GIPR: variants seen among roughly 807,000 people sequenced by gnomAD.
The protein encoded by GIPR is gastric inhibitory polypeptide receptor.
A neutral mutation model predicts 62.2 loss-of-function variants in GIPR; 74 were observed. The observed-to-expected ratio is 1.19, with a 90% CI of 0.99 to 1.44. The LOEUF is 1.44. Ranked by LOEUF, GIPR falls within the 40% of genes most tolerant of loss-of-function variation. GIPR has a pLI of 0.00. For missense variants in GIPR, 664 were observed against 611.8 expected, an observed-to-expected ratio of 1.09 and a Z score of -0.90; for synonymous variants, 256 against 262.2, an observed-to-expected ratio of 0.98 and a Z score of 0.23.
intron 7 of GIPR, among the ~76,000 whole-genome samples, chr19:45,676,365 ATTTTTTGTTTTGTTT>A (rs1376640390): frequency 1.4e-5 from 2 of 142,974 alleles, no homozygotes; most frequent in East Asian, 4.1e-4. Flanking sequence ...GATACCAATT[ATTTTTTGTTTTGTTT>A]TTGTTTGTTT....
intron 1 of GIPR, 55 bp from the exon 2 acceptor site, chr19:45,669,422 C>T: frequency 6.7e-7 from 1 of 1,499,730 alleles, no homozygotes; most frequent in South Asian, 1.2e-5. Context: ...GGCGGGGTGA[C>T]GCTGGGGTTG....
intron 7 of GIPR, among the ~76,000 whole-genome samples, chr19:45,675,619 C>A (rs538755486): frequency 6.9e-6 from 1 of 144,990 alleles, no homozygotes; most frequent in African/African-American, 2.5e-5. Context: ...CCGGCAGTGG[C>A]TCATGCCTGT....
intron 6 of GIPR, 113 bp downstream of exon 6, chr19:45,674,290 T>C: frequency 1.3e-6 from 1 of 778,984 alleles, no homozygotes. Context: ...GGTGGTTCTA[T>C]GGGGAGCAGT....
Position 45,681,714 on chromosome 19 carries a change from G to C in GIPR, c.1195-15G>C. The C allele has an allele frequency of 6.2e-7, 1 of 1,611,168 alleles. No individual in the cohort carries two copies. Among genetic ancestry groups the C allele is most frequent in the Non-Finnish European group, 8.5e-7 (1 of 1,178,178 alleles). On this transcript the variant is annotated splice_polypyrimidine_tract_variant and intron_variant, in intron 13 of 13. Coordinates refer to ENST00000590918, the MANE Select transcript of GIPR (RefSeq NM_000164.4). ...GCGGGGTACGGCGCCGCCTCTGAGC[G>C]CCATCGTCTCACAGGTGCAGTCGGA...
Position 45,682,563 on chromosome 19 carries a change from CTT to C in GIPR, c.*643_*644del, listed in dbSNP as rs757416626. 2.9e-4 allele frequency: 40 copies of C among 138,228 alleles called. No homozygotes were observed. Among genetic ancestry groups the C allele is most frequent in the South Asian group, 4.6e-4 (2 of 4,324 alleles). 8.6% of individuals were successfully genotyped at this position (138,228 alleles called of 1,614,324 possible). ...TACAGGCGTGAGCCACCGCACCCGG[CTT>C]TTTTTTTTTTTTTTAAACGGAGTCT... is the stretch of plus-strand genomic sequence containing the variant. On this transcript the variant is annotated 3_prime_UTR_variant, in exon 14 of 14. Coordinates refer to ENST00000590918, the MANE Select transcript of GIPR (RefSeq NM_000164.4).
intron 4 of GIPR, among the ~76,000 whole-genome samples, chr19:45,672,145 A>G (rs1423345057): frequency 6.6e-6 from 1 of 150,638 alleles, no homozygotes; most frequent in Non-Finnish European, 1.5e-5. Context: ...CCCAAATAGC[A>G]GGGACTACAG....
chr19:45,675,289 G>T (rs551444493), intron 7 of GIPR: 1 of 188,424 alleles, frequency 5.3e-6, no homozygotes, highest in Non-Finnish European at 1.1e-5. Context: ...TTAAGAAGCC[G>T]CACGCACCCA....
rs35790297 is a variant in GIPR, at chr19:45,673,863, C to CA, written c.385-198dup. Reference sequence around the variant, plus strand: ...TGGGCAACAAAGCAAGACCATGTCTCAAAAAAAAAAAAATCTCTGGTTGGC... The same window carrying CA: ...TGGGCAACAAAGCAAGACCATGTCTCAAAAAAAAAAAAAATCTCTGGTTGGC... On this transcript the variant is annotated intron_variant, in intron 5 of 13. Coordinates refer to ENST00000590918, the MANE Select transcript of GIPR (RefSeq NM_000164.4). Among the ~76,000 whole-genome samples the CA allele has an allele frequency of 2.9e-3, 415 of 144,656 alleles. 1 individual carries two copies. Among genetic ancestry groups the CA allele is most frequent in the African/African-American group, 7.8e-3 (308 of 39,500 alleles). 94.9% of individuals were successfully genotyped at this position (144,656 alleles called of 152,430 possible). A position where few individuals can be genotyped will look rare whatever the true frequency, so the allele number is the denominator to read the frequency against.
rs1205454158 is a variant in GIPR at position 45,681,804 on chromosome 19, C to T, written c.1270C>T (p.Pro424Ser). 6.4e-7 allele frequency: 1 copy of T among 1,573,188 alleles called. No homozygotes were observed. The highest frequency in any genetic ancestry group is 8.6e-7 in the Non-Finnish European group (1 of 1,159,084). The change falls in exon 14 of 14, where the codon CCG (proline) becomes TCG (serine). Residue 424 changes from proline to serine, a missense_variant. Pro to Ser is a moderately conservative substitution (Grantham distance 74). Coordinates refer to ENST00000590918, the MANE Select transcript of GIPR (RefSeq NM_000164.4). The stretch of plus-strand genomic sequence containing the variant: ...CCTGGGCGAGGAGCAACGCCAGCTC[C>T]CGGAGCGCGCCTTCCGGGCCCTGCC... ...RSLGEEQRQLPERAFRALPSG... is the reference protein window; with the variant it reads ...RSLGEEQRQLSERAFRALPSG...
At chr19:45,677,681 ATCTCT>A in intron 9 of GIPR, 24 bp from the exon 10 acceptor site, 2 of 1,584,666 alleles carry the variant, frequency 1.3e-6, no homozygotes, top group Non-Finnish European at 8.7e-7. Flanking sequence ...GAGTTTTTCT[ATCTCT>A]TAGCTCTACT....
In GIPR at chr19:45,678,128, G is replaced by A. The variant is rs1361351715; in HGVS notation, c.1054G>A (p.Val352Ile). 2.5e-6 allele frequency: 4 copies of A among 1,612,356 alleles called. No homozygotes were observed. The South Asian group carries it at 3.3e-5, about 13-fold the overall frequency. Reference protein sequence around the residue: ...STLTLVPLLGVHEVVFAPVTE... With the variant: ...STLTLVPLLGIHEVVFAPVTE... ...GCTGACGCTGGTGCCCCTGCTGGGTGTCCACGAGGTGGTGTTTGCTCCCGT... is the reference window on the plus strand; with the variant it reads ...GCTGACGCTGGTGCCCCTGCTGGGTATCCACGAGGTGGTGTTTGCTCCCGT... Residue 352 changes from valine (V) to isoleucine (I), a missense_variant, in exon 12 of 14, where the codon GTC becomes ATC. Val to Ile is a conservative substitution (Grantham distance 29). Transcript: ENST00000590918.
Position 45,671,314 on chromosome 19 carries a change from T to C in GIPR, c.202T>C (p.Tyr68His). The C allele has an allele frequency of 6.2e-7, 1 of 1,612,848 alleles. No homozygotes were observed. Residue 68 changes from tyrosine to histidine, a missense_variant, in exon 4 of 14, where the codon TAC becomes CAC. Coordinates refer to ENST00000590918, the MANE Select transcript of GIPR (RefSeq NM_000164.4). ...GLACNGSFDM[Y>H]VCWDYAAPNA... ...CGCCTGTAACGGGTCCTTCGATATG[T>C]ACGTCTGCTGGGACTATGCTGCACC...
In GIPR at chr19:45,669,612, G is replaced by C. The variant is rs1300183949; in HGVS notation, c.72+20G>C. 2 of 1,567,484 alleles carry C rather than the reference G, an allele frequency of 1.3e-6. No homozygotes were observed. The highest frequency in any genetic ancestry group is 3.7e-5 in the Admixed American group (2 of 53,440). ...GCGGAGGTGAGGAAGCGAGGAGCCA[G>C]AGGAGCTCCAGGCTTGGAGGGAGGT... On this transcript the variant is annotated intron_variant, in intron 2 of 13. Coordinates refer to ENST00000590918, the MANE Select transcript of GIPR (RefSeq NM_000164.4).
Position 45,682,213 on chromosome 19 carries a change from A to G in GIPR, c.*278A>G. On this transcript the variant is annotated 3_prime_UTR_variant, in exon 14 of 14. Coordinates refer to ENST00000590918, the MANE Select transcript of GIPR (RefSeq NM_000164.4). ...GTGACACTTAAGCCATCCCCGAAAG[A>G]GGTGAAAGAGATCACTTTGGGGAGA... The G allele has an allele frequency of 2.1e-6, 1 of 469,416 alleles. No individual in the cohort carries two copies. The highest frequency in any genetic ancestry group is 2.5e-5 in the South Asian group (1 of 39,232). The allele number at this position is 469,416 out of a possible 1,614,324, so 29.1% of individuals were successfully genotyped here.
chr19:45,677,191 G>GGCC, intron 8 of GIPR, 83 bp downstream of exon 8: 1 of 1,456,274 alleles, frequency 6.9e-7, no homozygotes, highest in Non-Finnish European at 9.5e-7. Flanking sequence ...GCCTCTGCGG[G>GGCC]TCTCCTCCCG....
intron 3 of GIPR, among the ~76,000 whole-genome samples, chr19:45,671,070 G>T (rs1161505409): frequency 1.3e-5 from 2 of 152,118 alleles, no homozygotes; most frequent in African/African-American, 2.4e-5. Flanking sequence ...GAGTGGGGCC[G>T]GGAGGAGGGG....
At chr19:45,671,745 G>A (rs1488279742) in intron 4 of GIPR, among the ~76,000 whole-genome samples, 1 of 151,872 alleles carries the variant, frequency 6.6e-6, no homozygotes, top group African/African-American at 2.4e-5. Context: ...GATTACAGAA[G>A]CCGGGATTAC....
At chr19:45,670,801 C>T (rs1240603157) in intron 3 of GIPR, 67 bp downstream of exon 3, 2 of 912,346 alleles carry the variant, frequency 2.2e-6, no homozygotes, top group Non-Finnish European at 3.4e-6. Context: ...TGGGATGGGC[C>T]TTGGGCTGAC....
intron 9 of GIPR, 137 bp downstream of exon 9, chr19:45,677,520 G>T: frequency 1.2e-6 from 1 of 831,236 alleles, no homozygotes. Flanking sequence ...CGAAGTAATG[G>T]GGAGCTAGGA....
Sources: allele counts gnomAD v4.1 joint callset (sites outside exome capture counted in the v4.1 genomes callset), GRCh38; gene constraint gnomAD v4.1.1; transcripts MANE v1.5; gene names NCBI Gene and HGNC (gene_info 2026-07-23, HGNC 2026-07-21).